CEP350: variants seen among roughly 807,000 people sequenced by gnomAD.
The protein encoded by CEP350 is centrosome-associated protein 350.
CEP350 carries 126 observed loss-of-function variants against 331.8 expected under a neutral mutation model. That is an observed-to-expected ratio of 0.38 (90% confidence interval 0.33 to 0.44). The LOEUF (loss-of-function observed/expected upper bound fraction) is 0.44, where lower values mean the gene tolerates loss of function less well. CEP350 is among the 20% of genes least tolerant of loss of function. CEP350 has a pLI of 1.00. For missense variants in CEP350, 3,406 were observed against 3,634.6 expected (o/e 0.94, Z 1.62); for synonymous variants, 1,200 against 1,259.5 (o/e 0.95, Z 1.00).
chr1:180,030,713 G>A (rs12124265), intron 14 of CEP350, among the ~76,000 whole-genome samples: 18,813 of 151,908 alleles, frequency 0.12, 1,230 homozygotes, highest in South Asian at 0.17. Flanking sequence ...TAAATGTTCA[G>A]GTTACTATTA....
chr1:179,984,287 T>C (rs1391999446), intron 1 of CEP350, among the ~76,000 whole-genome samples: 3 of 152,228 alleles, frequency 2.0e-5, no homozygotes, highest in Non-Finnish European at 4.4e-5. Flanking sequence ...TGATCTCACA[T>C]TTTCTGTATG....
intron 5 of CEP350, among the ~76,000 whole-genome samples, chr1:179,995,242 A>G (rs1653382592): frequency 6.6e-6 from 1 of 151,882 alleles, no homozygotes; most frequent in African/African-American, 2.4e-5. Flanking sequence ...TTCATGATTC[A>G]TGTGCTCTTC....
chr1:180,016,938 C>T (rs1429763460), intron 11 of CEP350, among the ~76,000 whole-genome samples: 1 of 152,160 alleles, frequency 6.6e-6, no homozygotes, highest in Non-Finnish European at 1.5e-5. Flanking sequence ...GCTGGGATTA[C>T]AGGCATGAGC....
At position 180,095,518 on chromosome 1, in the gene CEP350, T is replaced by C. The variant is rs755681567; in HGVS notation, c.8512-5T>C. On this transcript the variant is annotated splice_polypyrimidine_tract_variant and splice_region_variant and intron_variant, in intron 34 of 37. Transcript: ENST00000367607. ...TGCTCTGTTTGAATGGTTCCATTTCTATAGGAGAGCCCAGTATTTGGTGCC... is the reference window on the plus strand; with the variant it reads ...TGCTCTGTTTGAATGGTTCCATTTCCATAGGAGAGCCCAGTATTTGGTGCC... The C allele has an allele frequency of 1.9e-6, 3 of 1,612,680 alleles. No homozygotes were observed. Among genetic ancestry groups the C allele is most frequent in the Non-Finnish European group, 2.5e-6 (3 of 1,179,176 alleles).
chr1:179,982,656 T>C (rs1204995952), intron 1 of CEP350, among the ~76,000 whole-genome samples: 2 of 152,204 alleles, frequency 1.3e-5, no homozygotes, highest in Non-Finnish European at 2.9e-5. Flanking sequence ...CAGCACTTAT[T>C]TTAGTTTTAA....
At position 180,024,522 on chromosome 1, in the gene CEP350, G is replaced by A. The variant is rs768780062; in HGVS notation, c.3490G>A (p.Ala1164Thr). ...GCATTCATCAGGAGCCCAGTCTGCT[G>A]CATCGTCTCGTTCATCTACTTCTTC... ...SQHSSGAQSAASSRSSTSSKG... is the reference protein window; with the variant it reads ...SQHSSGAQSATSSRSSTSSKG... Residue 1164 changes from alanine (A) to threonine (T), a missense_variant, in exon 14 of 38, where the codon GCA (alanine) becomes ACA (threonine). Ala to Thr is a moderately conservative substitution (Grantham distance 58). Coordinates refer to ENST00000367607, the MANE Select transcript of CEP350 (RefSeq NM_014810.5). 1 of 1,613,226 alleles carries A rather than the reference G, an allele frequency of 6.2e-7. No individual in the cohort carries two copies. The highest frequency in any genetic ancestry group is 1.1e-5 in the South Asian group (1 of 91,050).
In CEP350 at chr1:180,094,597, C is replaced by T. The variant is rs1350245683; in HGVS notation, c.8492C>T (p.Pro2831Leu). The T allele has an allele frequency of 6.2e-7, 1 of 1,613,352 alleles. No individual in the cohort carries two copies. Among genetic ancestry groups the T allele is most frequent in the African/African-American group, 1.3e-5 (1 of 74,842 alleles). Residue 2831 changes from proline to leucine, a missense_variant, in exon 34 of 38, where the codon CCA (proline) becomes CTA (leucine). Coordinates refer to ENST00000367607, the MANE Select transcript of CEP350 (RefSeq NM_014810.5). ...LEDEKEEISSPDMCPRPESPV... is the reference protein window; with the variant it reads ...LEDEKEEISSLDMCPRPESPV... ...GATGAAAAAGAAGAGATTTCCTCTC[C>T]AGATATGTGTCCCAGACCGGTGAGT...
At chr1:180,068,443 C>T (rs1053014001) in intron 27 of CEP350, among the ~76,000 whole-genome samples, 1 of 152,038 alleles carries the variant, frequency 6.6e-6, no homozygotes, top group Non-Finnish European at 1.5e-5. Flanking sequence ...AAGCCATGAA[C>T]TGAATAGCTC....
Position 179,975,995 on chromosome 1 carries a change from A to C in CEP350, c.-13-10174A>C, listed in dbSNP as rs115392554. Reference sequence around the variant, plus strand: ...GAGTTAAGAGAGGTAAGAGAAAAAAACAATCAAGAGGCAAGGGAAACAGGA... The same window carrying C: ...GAGTTAAGAGAGGTAAGAGAAAAAACCAATCAAGAGGCAAGGGAAACAGGA... On this transcript the variant is annotated intron_variant, in intron 1 of 37. Coordinates refer to ENST00000367607, the MANE Select transcript of CEP350 (RefSeq NM_014810.5). Among the ~76,000 whole-genome samples, 889 of 152,266 alleles carry C rather than the reference A, an allele frequency of 5.8e-3. 9 individuals carry two copies. Among genetic ancestry groups the C allele is most frequent in the Admixed American group, 0.011 (175 of 15,290 alleles).
chr1:179,972,263 G>A (rs888794823), intron 1 of CEP350, among the ~76,000 whole-genome samples: 2 of 152,164 alleles, frequency 1.3e-5, no homozygotes, highest in Non-Finnish European at 2.9e-5. Flanking sequence ...CGCCCAGCGA[G>A]AGAGTATAGT....
intron 30 of CEP350, among the ~76,000 whole-genome samples, chr1:180,081,162 C>G (rs2149086386): frequency 6.6e-6 from 1 of 152,292 alleles, no homozygotes; most frequent in African/African-American, 2.4e-5. Context: ...GCCACTGCAC[C>G]CGGCCCACTG....
chr1:179,969,390 G>A, intron 1 of CEP350: 3 of 514,464 alleles, frequency 5.8e-6, no homozygotes, highest in East Asian at 1.1e-4. Flanking sequence ...GAGGGCGTGC[G>A]GGTGCCCTCT....
At chr1:180,051,958 G>C (rs1231308020) in intron 22 of CEP350, among the ~76,000 whole-genome samples, 2 of 152,152 alleles carry the variant, frequency 1.3e-5, no homozygotes, top group East Asian at 3.8e-4. Context: ...TGTTGGAAGG[G>C]AAGATACACA....
At chr1:179,986,428 C>A (rs1652650618) in intron 2 of CEP350, among the ~76,000 whole-genome samples, 174 bp downstream of exon 2, 1 of 151,906 alleles carries the variant, frequency 6.6e-6, no homozygotes, top group African/African-American at 2.4e-5. Context: ...AAAAGGCATC[C>A]TATGGTAAAC....
rs1660322130 is a variant in CEP350 at position 180,093,718 on chromosome 1, A to G, written c.7613A>G (p.Asn2538Ser). The change falls in exon 34 of 38, where the codon AAC (asparagine) becomes AGC (serine). Residue 2538 changes from asparagine to serine, a missense_variant. This residue lies in a region of CEP350 where 1,415 missense variants were observed against 1,512.3 expected (regional missense o/e 0.94). Coordinates refer to ENST00000367607, the MANE Select transcript of CEP350 (RefSeq NM_014810.5). ...GAGTTAGATAAACCTGAAGGAAATA[A>G]CAATGGAACATATGATGGTATTGCA... is the stretch of plus-strand genomic sequence containing the variant. ...GVELDKPEGN[N>S]NGTYDGIAYF... 6.2e-7 allele frequency: 1 copy of G among 1,613,976 alleles called. No individual in the cohort carries two copies. Among genetic ancestry groups the G allele is most frequent in the Non-Finnish European group, 8.5e-7 (1 of 1,179,862 alleles).
At chr1:180,074,534 A>C (rs1659100817) in intron 27 of CEP350, among the ~76,000 whole-genome samples, 1 of 152,220 alleles carries the variant, frequency 6.6e-6, no homozygotes, top group South Asian at 2.1e-4. Context: ...TTTAAAATAA[A>C]AGTAAAAAAG....
chr1:179,966,626 T>C (rs1186038259), intron 1 of CEP350, among the ~76,000 whole-genome samples: 1 of 152,182 alleles, frequency 6.6e-6, no homozygotes, highest in Admixed American at 6.5e-5. Flanking sequence ...TTCTGAAAGC[T>C]GAAATTGGTA....
chr1:180,087,507 A>G lies in CEP350; in HGVS notation c.6286-71A>G, dbSNP rs536148746. 9.9e-5 allele frequency: 133 copies of G among 1,348,406 alleles called. No homozygotes were observed. The African/African-American group carries it at 1.9e-3, about 19-fold the overall frequency. The allele number at this position is 1,348,406 out of a possible 1,614,324, so 83.5% of individuals were successfully genotyped here. A position where few individuals can be genotyped will look rare whatever the true frequency, so the allele number is the denominator to read the frequency against. Reference sequence around the variant, plus strand: ...CTGTTTGAGCATTTTACCTTAAAATATACTATTTTATAATTTAAAATAAGT... The same window carrying G: ...CTGTTTGAGCATTTTACCTTAAAATGTACTATTTTATAATTTAAAATAAGT... On this transcript the variant is annotated intron_variant, in intron 31 of 37. Coordinates refer to ENST00000367607, the MANE Select transcript of CEP350 (RefSeq NM_014810.5).
Position 180,048,541 on chromosome 1 carries a change from G to A in CEP350, c.4628G>A (p.Ser1543Asn), listed in dbSNP as rs1417059318. 6 of 1,594,856 alleles carry A rather than the reference G, an allele frequency of 3.8e-6. No homozygotes were observed. The Middle Eastern group carries it at 5.0e-4, about 132-fold the overall frequency. ...SGYKNHDRRSSSGSSRQESPS... is the reference protein window; with the variant it reads ...SGYKNHDRRSNSGSSRQESPS... ...TTCCATGTATCCATAAAAAGAAGTA[G>A]CAGTGGTAGCAGCCGCCAAGAAAGT... The change falls in exon 22 of 38, where the codon AGC becomes AAC. Residue 1543 changes from serine (S) to asparagine (N), a missense_variant. Transcript: ENST00000367607.
Sources: gnomAD v4.1 joint callset for allele counts (sites outside exome capture counted in the v4.1 genomes callset) on GRCh38, gnomAD v4.1.1 for gene constraint, gnomAD v4.1.1 regional missense constraint, MANE v1.5 for transcripts, NCBI Gene and HGNC (gene_info 2026-07-23, HGNC 2026-07-21) for gene names.